The following CCDC125 variants were observed in gnomAD, a reference collection of about 807,000 sequenced individuals.
CCDC125 encodes the protein coiled-coil domain containing 125, also known as coiled-coil domain-containing protein 125.
A neutral mutation model predicts 57.4 loss-of-function variants in CCDC125; 43 were observed. The observed-to-expected ratio is 0.75, with a 90% CI of 0.59 to 0.97. The LOEUF (loss-of-function observed/expected upper bound fraction) is 0.97, where lower values mean the gene tolerates loss of function less well. Among genes scored for constraint, CCDC125 ranks in the 50% least tolerant of loss-of-function variants. The pLI is 0.00. For missense variants in CCDC125, 563 were observed against 595.7 expected (o/e 0.95, Z 0.57); for synonymous variants, 187 against 195.2 (o/e 0.96, Z 0.35).
intron 6 of CCDC125, among the ~76,000 whole-genome samples, chr5:69,306,517 A>G (rs908883666): frequency 1.3e-5 from 2 of 152,056 alleles, no homozygotes; most frequent in East Asian, 1.9e-4. Context: ...TTGTAGAGAT[A>G]GGGTTTCAAC....
In CCDC125 at chr5:69,281,769, T is replaced by C. The variant is rs904031455; in HGVS notation, c.*960A>G. 6.6e-6 allele frequency: 1 copy of C among 152,202 alleles called. No individual in the cohort carries two copies. The highest frequency in any genetic ancestry group is 2.4e-5 in the African/African-American group (1 of 41,456). The allele number at this position is 152,202 out of a possible 1,614,324, so 9.4% of individuals were successfully genotyped here. On this transcript the variant is annotated 3_prime_UTR_variant, in exon 12 of 12. Coordinates refer to ENST00000396496, the MANE Select transcript of CCDC125 (RefSeq NM_176816.5). ...TTACTTTTTAGAGCATTAAGATACATTGCTATATTGTTGATTTAGCCAAGC... is the reference window on the plus strand; with the variant it reads ...TTACTTTTTAGAGCATTAAGATACACTGCTATATTGTTGATTTAGCCAAGC...
intron 1 of CCDC125, among the ~76,000 whole-genome samples, chr5:69,324,371 T>C (rs184172351): frequency 4.6e-5 from 7 of 152,288 alleles, no homozygotes; most frequent in Admixed American, 4.6e-4. Context: ...ACTGAAACTC[T>C]CATACATTGG....
intron 3 of CCDC125, among the ~76,000 whole-genome samples, chr5:69,312,170 T>C (rs572255702): frequency 6.6e-6 from 1 of 152,134 alleles, no homozygotes; most frequent in Admixed American, 6.5e-5. Context: ...CCCAGACTCA[T>C]AGGGAGAAGG....
chr5:69,285,556 A>C, intron 10 of CCDC125, 89 bp from the exon 11 acceptor site: 2 of 1,312,208 alleles, frequency 1.5e-6, no homozygotes, highest in Non-Finnish European at 2.1e-6. Flanking sequence ...TCTCTAGGAC[A>C]AGTGAGTCCA....
At chr5:69,332,334 G>A (rs1030478690) in intron 1 of CCDC125, among the ~76,000 whole-genome samples, 1 of 152,164 alleles carries the variant, frequency 6.6e-6, no homozygotes, top group African/African-American at 2.4e-5. Flanking sequence ...ATGGGTACGT[G>A]CTATTAACTA....
chr5:69,312,858 A>AT (rs896537336), intron 3 of CCDC125, among the ~76,000 whole-genome samples: 9 of 150,448 alleles, frequency 6.0e-5, no homozygotes, highest in Non-Finnish European at 7.4e-5. Flanking sequence ...TCACTTGAGA[A>AT]TTTTTTTTTT....
In CCDC125 at chr5:69,282,625, C is replaced by G; in HGVS notation, c.*104G>C. ...GTGACCTCCTAAAATTTAGAAATAC[C>G]TAGGAAACATACAACTTCTCAAGAT... On this transcript the variant is annotated 3_prime_UTR_variant, in exon 12 of 12. Coordinates refer to ENST00000396496, the MANE Select transcript of CCDC125 (RefSeq NM_176816.5). 1.1e-6 allele frequency: 1 copy of G among 926,970 alleles called. No homozygotes were observed. The highest frequency in any genetic ancestry group is 1.6e-6 in the Non-Finnish European group (1 of 617,672). The allele number at this position is 926,970 out of a possible 1,614,324, so 57.4% of individuals were successfully genotyped here. A position where few individuals can be genotyped will look rare whatever the true frequency, so the allele number is the denominator to read the frequency against.
chr5:69,313,214 G>T (rs182780308), intron 3 of CCDC125, among the ~76,000 whole-genome samples: 4 of 152,270 alleles, frequency 2.6e-5, no homozygotes, highest in Admixed American at 2.6e-4. Flanking sequence ...GAAAATCCAG[G>T]GGGTGGGAGG....
chr5:69,325,825 CAAAAAAAAA>C (rs70992925), intron 1 of CCDC125, among the ~76,000 whole-genome samples: 3 of 35,660 alleles, frequency 8.4e-5, no homozygotes, highest in South Asian at 1.6e-3. Flanking sequence ...CCCTCTGTCT[CAAAAAAAAA>C]AAAAAAAAAA....
At chr5:69,294,519 C>T (rs1755008063) in intron 9 of CCDC125, among the ~76,000 whole-genome samples, 1 of 152,208 alleles carries the variant, frequency 6.6e-6, no homozygotes, top group Non-Finnish European at 1.5e-5. Flanking sequence ...TCTTAAACTC[C>T]TGACCTCAGG....
At chr5:69,286,012 CTG>C (rs1753285251) in intron 10 of CCDC125, among the ~76,000 whole-genome samples, 1 of 151,542 alleles carries the variant, frequency 6.6e-6, no homozygotes, top group Admixed American at 6.6e-5. Context: ...TCTCAGGGAA[CTG>C]TGCCATTAAA....
chr5:69,317,396 A>T (rs1759287014), intron 2 of CCDC125, among the ~76,000 whole-genome samples: 1 of 152,186 alleles, frequency 6.6e-6, no homozygotes, highest in African/African-American at 2.4e-5. Flanking sequence ...TATACACAAT[A>T]AGGAATTGGA....
chr5:69,322,808 G>T (rs552876254), intron 1 of CCDC125, among the ~76,000 whole-genome samples: 1 of 150,534 alleles, frequency 6.6e-6, no homozygotes, highest in African/African-American at 2.4e-5. Context: ...TGATACACCC[G>T]CCTTGGCCTC....
chr5:69,320,314 T>C lies in CCDC125; in HGVS notation c.227A>G (p.Tyr76Cys). 1 of 1,614,144 alleles carries C rather than the reference T, an allele frequency of 6.2e-7. No individual in the cohort carries two copies. Among genetic ancestry groups the C allele is most frequent in the Non-Finnish European group, 8.5e-7 (1 of 1,180,008 alleles). The change falls in exon 2 of 12, where the codon TAT (tyrosine) becomes TGT (cysteine). Residue 76 changes from tyrosine (Y) to cysteine (C), a missense_variant. Coordinates refer to ENST00000396496, the MANE Select transcript of CCDC125 (RefSeq NM_176816.5). ...GEERNEASFQ[Y>C]SKHKSQQDTF... ...ATCTTGCTGGCTCTTATGCTTGGAA[T>C]ACTGAAAACTCGCTTCATTTCTTTC...
chr5:69,328,160 T>G (rs1034257413), intron 1 of CCDC125, among the ~76,000 whole-genome samples: 2 of 152,222 alleles, frequency 1.3e-5, no homozygotes, highest in Non-Finnish European at 2.9e-5. Context: ...TCTGCCAAAG[T>G]GCTGGGATTA....
intron 7 of CCDC125, 56 bp from the exon 8 acceptor site, chr5:69,300,183 C>A: frequency 8.3e-7 from 1 of 1,206,382 alleles, no homozygotes; most frequent in South Asian, 1.2e-5. Context: ...CACCCTCATC[C>A]AATCTAGTTA....
downstream of CCDC125, chr5:69,276,972 A>T (rs1361699375): frequency 5.3e-6 from 4 of 750,578 alleles, no homozygotes; most frequent in Non-Finnish European, 8.7e-6. Flanking sequence ...CTAAATGTTT[A>T]ACAAGTGCTA....
At chr5:69,279,900 G>A (rs1752384430), downstream of CCDC125, among the ~76,000 whole-genome samples, 1 of 152,174 alleles carries the variant, frequency 6.6e-6, no homozygotes, top group South Asian at 2.1e-4. Context: ...AGCTCCACAT[G>A]GCTGGGCAGG....
chr5:69,277,014 T>C, downstream of CCDC125: 2 of 1,049,906 alleles, frequency 1.9e-6, no homozygotes, highest in Non-Finnish European at 2.8e-6. Context: ...AATAATGTAG[T>C]TGGAATGCAG....
Sources: gnomAD v4.1 joint callset for allele counts (sites outside exome capture counted in the v4.1 genomes callset) on GRCh38, gnomAD v4.1.1 for gene constraint, MANE v1.5 for transcripts, NCBI Gene and HGNC (gene_info 2026-07-23, HGNC 2026-07-21) for gene names.